Variants in GORASP2 observed in about 807,000 individuals in gnomAD.
The protein encoded by GORASP2 is golgi reassembly stacking protein 2.
In GORASP2, 22 loss-of-function variants were observed where a neutral mutation model predicts 45.7. The observed-to-expected ratio is 0.48, with a 90% CI of 0.34 to 0.69. The LOEUF (loss-of-function observed/expected upper bound fraction) is 0.69. GORASP2 is among the 30% of genes least tolerant of loss of function. The probability of loss-of-function intolerance (pLI) is 0.01; values close to 1 mark genes in which losing one functional copy is unlikely to be tolerated. For synonymous variants in GORASP2, 221 were observed against 215.6 expected (o/e 1.02, Z -0.22); for missense variants, 491 against 562.7 (o/e 0.87, Z 1.29).
At position 170,954,764 on chromosome 2, in the gene GORASP2, T is replaced by A. The variant is rs1704383850; in HGVS notation, c.681T>A (p.Leu227=). The part of the protein sequence containing the change: ...GQMAGTPITP[L]KDGFTEVQLS... ...TGGCTGGTACACCTATTACACCTCTTAAAGATGGGTTTACAGAGGTAAGAT... is the reference window on the plus strand; with the variant it reads ...TGGCTGGTACACCTATTACACCTCTAAAAGATGGGTTTACAGAGGTAAGAT... Residue 227 remains leucine, a synonymous_variant, in exon 6 of 10, where the codon CTT becomes CTA. Coordinates refer to ENST00000234160, the MANE Select transcript of GORASP2 (RefSeq NM_015530.5). The A allele has an allele frequency of 2.5e-6, 4 of 1,613,170 alleles. No individual in the cohort carries two copies. The highest frequency in any genetic ancestry group is 3.4e-6 in the Non-Finnish European group (4 of 1,179,518).
intron 7 of GORASP2, among the ~76,000 whole-genome samples, chr2:170,960,953 G>A (rs1704543840): frequency 6.6e-6 from 1 of 152,218 alleles, no homozygotes; most frequent in African/African-American, 2.4e-5. Flanking sequence ...TAAGTGAAAG[G>A]TGTGCTTTCA....
At chr2:170,933,309 TC>T (rs1703871779) in intron 1 of GORASP2, among the ~76,000 whole-genome samples, 1 of 152,238 alleles carries the variant, frequency 6.6e-6, no homozygotes, top group Non-Finnish European at 1.5e-5. Context: ...TTAGGGCTTC[TC>T]AGTTTTTGAA....
intron 3 of GORASP2, 179 bp from the exon 4 acceptor site, chr2:170,950,025 A>G (rs552177589): frequency 7.5e-6 from 4 of 531,782 alleles, no homozygotes; most frequent in Admixed American, 7.3e-5. Context: ...GTTAAATATT[A>G]TGTAATTTTT....
At chr2:170,929,970 AT>A in intron 1 of GORASP2, 3 of 339,726 alleles carry the variant, frequency 8.8e-6, no homozygotes, top group South Asian at 6.4e-5. Context: ...AACAGACTTG[AT>A]TTTGACCAGA....
chr2:170,939,767 C>T (rs544760616), intron 1 of GORASP2, among the ~76,000 whole-genome samples: 1 of 152,176 alleles, frequency 6.6e-6, no homozygotes, highest in Non-Finnish European at 1.5e-5. Flanking sequence ...AGCTCCCTCA[C>T]CCTCCTCACT....
intron 1 of GORASP2, among the ~76,000 whole-genome samples, chr2:170,934,382 C>T (rs993604523): frequency 2.6e-5 from 4 of 151,956 alleles, no homozygotes; most frequent in Non-Finnish European, 5.9e-5. Flanking sequence ...GCCTCAGCCT[C>T]CCAAGTAGCT....
At chr2:170,933,402 C>G (rs576911946) in intron 1 of GORASP2, among the ~76,000 whole-genome samples, 1 of 152,072 alleles carries the variant, frequency 6.6e-6, no homozygotes, top group Admixed American at 6.6e-5. Context: ...ATCCAGTGAA[C>G]CCAACAAGAC....
At chr2:170,929,205 G>T, upstream of GORASP2, 1 of 591,248 alleles carries the variant, frequency 1.7e-6, no homozygotes, top group Non-Finnish European at 2.6e-6. Flanking sequence ...ACGATCTCCC[G>T]GCGGGCTGTG....
chr2:170,935,715 C>G (rs775937319), intron 1 of GORASP2, among the ~76,000 whole-genome samples: 2 of 151,926 alleles, frequency 1.3e-5, no homozygotes, highest in Non-Finnish European at 2.9e-5. Flanking sequence ...GCTGGGACTA[C>G]AGGCACACAC....
At chr2:170,947,422 T>C (rs1288556679) in intron 1 of GORASP2, among the ~76,000 whole-genome samples, 3 of 152,234 alleles carry the variant, frequency 2.0e-5, no homozygotes, top group Admixed American at 1.3e-4. Flanking sequence ...TACCTTTGAA[T>C]GTTCTACCCT....
chr2:170,931,047 A>G (rs1559305464), intron 1 of GORASP2, among the ~76,000 whole-genome samples: 1 of 151,618 alleles, frequency 6.6e-6, no homozygotes, highest in African/African-American at 2.4e-5. Context: ...TAGTGACTGC[A>G]TTCCGACATA....
At chr2:170,951,203 T>C in intron 4 of GORASP2, 125 bp from the exon 5 acceptor site, 1 of 668,028 alleles carries the variant, frequency 1.5e-6, no homozygotes, top group Non-Finnish European at 2.5e-6. Flanking sequence ...TTTTTATGTC[T>C]GGGGCAGGGC....
chr2:170,952,220 G>A (rs1301728686), intron 5 of GORASP2, among the ~76,000 whole-genome samples: 1 of 152,190 alleles, frequency 6.6e-6, no homozygotes, highest in African/African-American at 2.4e-5. Context: ...TCAAACTGGA[G>A]GAAGAGATTC....
chr2:170,956,506 C>T lies in GORASP2; in HGVS notation c.770C>T (p.Thr257Ile). The change falls in exon 7 of 10, where the codon ACT becomes ATT. Residue 257 changes from threonine to isoleucine, a missense_variant. Coordinates refer to ENST00000234160, the MANE Select transcript of GORASP2 (RefSeq NM_015530.5). ...PGTTGIEQSL[T>I]GLSISSTPPA... ...ACTACAGGAATTGAACAGAGTCTGA[C>T]TGGACTTTCTATTAGCTCAACTCCA... 6.2e-7 allele frequency: 1 copy of T among 1,613,122 alleles called. No homozygotes were observed. Among genetic ancestry groups the T allele is most frequent in the Non-Finnish European group, 8.5e-7 (1 of 1,179,208 alleles).
rs1479677837 is a variant in GORASP2 at position 170,951,311 on chromosome 2, C to G, written c.436-17C>G. On this transcript the variant is annotated splice_polypyrimidine_tract_variant and intron_variant, in intron 4 of 9. Coordinates refer to ENST00000234160, the MANE Select transcript of GORASP2 (RefSeq NM_015530.5). ...GTATGGTAACGTGAAACATTTTCTC[C>G]TGTGACACTTTTGCAGTCTGAAGAT... is the stretch of plus-strand genomic sequence containing the variant. 1 of 1,583,848 alleles carries G rather than the reference C, an allele frequency of 6.3e-7. No homozygotes were observed. The highest frequency in any genetic ancestry group is 8.6e-7 in the Non-Finnish European group (1 of 1,167,686).
At chr2:170,954,923 C>G in intron 6 of GORASP2, 141 bp downstream of exon 6, 3 of 621,252 alleles carry the variant, frequency 4.8e-6, no homozygotes, top group Non-Finnish European at 5.5e-6. Flanking sequence ...ATTTGAGGTT[C>G]CTGTAAAATA....
chr2:170,956,914 AATTTTAAAAAATT>A (rs1704438842), intron 7 of GORASP2, among the ~76,000 whole-genome samples: 1 of 152,138 alleles, frequency 6.6e-6, no homozygotes, highest in Non-Finnish European at 1.5e-5. Flanking sequence ...AAATTTAAAG[AATTTTAAAAAATT>A]ATTTTAAAAA....
At chr2:170,936,055 T>G (rs988868897) in intron 1 of GORASP2, among the ~76,000 whole-genome samples, 2 of 152,108 alleles carry the variant, frequency 1.3e-5, no homozygotes, top group Non-Finnish European at 2.9e-5. Flanking sequence ...TTTTAATAAT[T>G]CCTCTGCAAA....
At chr2:170,953,672 G>A (rs762149789) in intron 5 of GORASP2, 1 of 152,190 alleles carries the variant, frequency 6.6e-6, no homozygotes, top group Non-Finnish European at 1.5e-5. Context: ...AAAACTAGCT[G>A]TCACCATCAT....
Sources: allele counts gnomAD v4.1 joint callset (sites outside exome capture counted in the v4.1 genomes callset), GRCh38; gene constraint gnomAD v4.1.1; transcripts MANE v1.5; gene names NCBI Gene and HGNC (gene_info 2026-07-23, HGNC 2026-07-21).